SLC6A6: variants seen among roughly 807,000 people sequenced by gnomAD.
SLC6A6 encodes the protein solute carrier family 6 member 6, also known as sodium- and chloride-dependent taurine transporter.
Under a neutral mutation model 68.8 loss-of-function variants are expected in SLC6A6, and 16 were observed. The observed-to-expected ratio is 0.23, with a 90% CI of 0.16 to 0.35. The LOEUF (loss-of-function observed/expected upper bound fraction) is 0.35, where lower values mean the gene tolerates loss of function less well. SLC6A6 is among the 10% of genes least tolerant of loss of function. The pLI is 1.00. For missense variants in SLC6A6, 474 were observed against 802.8 expected (o/e 0.59, Z 4.95); for synonymous variants, 312 against 315.4 (o/e 0.99, Z 0.12).
At chr3:14,439,492 C>T (rs1411308236) in intron 2 of SLC6A6, among the ~76,000 whole-genome samples, 1 of 152,226 alleles carries the variant, frequency 6.6e-6, no homozygotes, top group African/African-American at 2.4e-5. Flanking sequence ...TGGCTGTCAC[C>T]TCTGGAACAC....
intron 2 of SLC6A6, among the ~76,000 whole-genome samples, chr3:14,429,002 G>A (rs13081322): frequency 0.33 from 49,795 of 152,020 alleles, 8,225 homozygotes; most frequent in African/African-American, 0.39. Flanking sequence ...CTCGCCTGCT[G>A]CAGAGACAAG....
At chr3:14,456,017 G>A (rs1025984906) in intron 5 of SLC6A6, among the ~76,000 whole-genome samples, 8 of 152,244 alleles carry the variant, frequency 5.3e-5, no homozygotes, top group African/African-American at 1.4e-4. Context: ...AGTAGAGAGA[G>A]CACTGGTTTT....
In SLC6A6 at chr3:14,402,804, C is replaced by T; in HGVS notation, c.-97C>T. ...CAGGCAGCCCCCGGCCGGCGGAACC[C>T]GGCACAGCCGAGCAGAGCGCGGGCG... On this transcript the variant is annotated 5_prime_UTR_variant, in exon 1 of 15. Transcript: ENST00000622186. The surrounding 1 kb of genome is among the most constrained non-coding windows in gnomAD (Gnocchi z 4.8). 1 of 397,892 alleles carries T rather than the reference C, an allele frequency of 2.5e-6. No individual in the cohort carries two copies. The highest frequency in any genetic ancestry group is 4.4e-6 in the Non-Finnish European group (1 of 225,562). 24.6% of individuals were successfully genotyped at this position (397,892 alleles called of 1,614,324 possible).
intron 1 of SLC6A6, chr3:14,410,943 G>A (rs571204635): frequency 6.6e-6 from 1 of 152,376 alleles, no homozygotes; most frequent in South Asian, 2.1e-4. Context: ...CTTGCCCCAA[G>A]GCTAGTCAGC....
At chr3:14,452,677 C>T (rs960459540) in intron 5 of SLC6A6, among the ~76,000 whole-genome samples, 7 of 152,334 alleles carry the variant, frequency 4.6e-5, no homozygotes, top group African/African-American at 1.4e-4. Flanking sequence ...AGTCACCATT[C>T]TCAGCAGAAG....
At position 14,485,989 on chromosome 3, in the gene SLC6A6, G is replaced by C. The variant is rs2125004040; in HGVS notation, c.*982G>C. 1 of 152,690 alleles carries C rather than the reference G, an allele frequency of 6.5e-6. No homozygotes were observed. The highest frequency in any genetic ancestry group is 1.9e-4 in the East Asian group (1 of 5,196). 9.5% of individuals were successfully genotyped at this position (152,690 alleles called of 1,614,324 possible). The stretch of plus-strand genomic sequence containing the variant: ...GGGGTCTCAGGGCTCAGATGAGTCT[G>C]TTGCATTTGAATGGGGTCATAGCAG... On this transcript the variant is annotated 3_prime_UTR_variant, in exon 15 of 15. Coordinates refer to ENST00000622186, the MANE Select transcript of SLC6A6 (RefSeq NM_003043.6).
At chr3:14,442,069 G>A (rs1473215293) in intron 2 of SLC6A6, among the ~76,000 whole-genome samples, 24 of 152,260 alleles carry the variant, frequency 1.6e-4, no homozygotes, top group Admixed American at 1.6e-3. Context: ...CCAAGCGAGT[G>A]TGTCCTGAGC....
intron 9 of SLC6A6, among the ~76,000 whole-genome samples, chr3:14,469,643 A>C (rs1700706649): frequency 6.6e-6 from 1 of 152,138 alleles, no homozygotes; most frequent in Non-Finnish European, 1.5e-5. Flanking sequence ...TTCTGACACA[A>C]GGGTGTCCCC....
chr3:14,403,077 A>AGTGTGTGTGT (rs34547966), intron 1 of SLC6A6, among the ~76,000 whole-genome samples: 20 of 143,428 alleles, frequency 1.4e-4, no homozygotes, highest in East Asian at 2.2e-4. Context: ...GCGGCAGGAG[A>AGTGTGTGTGT]GTGTGTGTGT....
At position 14,468,342 on chromosome 3, in the gene SLC6A6, C is replaced by CT. The variant is rs1553578743; in HGVS notation, c.1096+130_1096+131insT. On this transcript the variant is annotated intron_variant, in intron 9 of 14. Transcript: ENST00000622186. The surrounding 1 kb of genome is among the most constrained non-coding windows in gnomAD (Gnocchi z 4.5). ...GCCTGGTTTCTAAAATGGACCCCCC[C>CT]CCCGCCACCAAGATATCCCCCAAAT... 5.4e-6 allele frequency: 4 copies of CT among 735,424 alleles called. No homozygotes were observed. Among genetic ancestry groups the CT allele is most frequent in the Non-Finnish European group, 8.4e-6 (4 of 477,830 alleles). The allele number at this position is 735,424 out of a possible 1,614,324, so 45.6% of individuals were successfully genotyped here. A position where few individuals can be genotyped will look rare whatever the true frequency, so the allele number is the denominator to read the frequency against.
intron 4 of SLC6A6, among the ~76,000 whole-genome samples, chr3:14,447,322 A>G (rs1297994842): frequency 6.6e-6 from 1 of 151,972 alleles, no homozygotes; most frequent in Admixed American, 6.6e-5. Context: ...CTATCTTTTC[A>G]TCCATCCATC....
intron 1 of SLC6A6, among the ~76,000 whole-genome samples, chr3:14,410,474 A>C (rs1324077479): frequency 6.6e-6 from 1 of 152,204 alleles, no homozygotes; most frequent in Non-Finnish European, 1.5e-5. Context: ...GGGTTCCTGG[A>C]AAGCTCAAGA....
intron 2 of SLC6A6, among the ~76,000 whole-genome samples, chr3:14,421,681 G>C (rs1699489042): frequency 1.3e-5 from 2 of 152,198 alleles, no homozygotes; most frequent in Admixed American, 1.3e-4. Flanking sequence ...GGTTTTTCCA[G>C]CTTTGATACC....
chr3:14,478,648 A>ACTAACAGAAAT (rs1245620097), intron 12 of SLC6A6, 80 bp downstream of exon 12: 2 of 888,316 alleles, frequency 2.3e-6, no homozygotes, highest in African/African-American at 3.3e-5. Flanking sequence ...AGCAGAGAAT[A>ACTAACAGAAAT]CTAACAGAAA....
intron 2 of SLC6A6, among the ~76,000 whole-genome samples, chr3:14,440,878 A>G (rs1375789235): frequency 6.6e-6 from 1 of 151,960 alleles, no homozygotes; most frequent in Non-Finnish European, 1.5e-5. Context: ...AGGAGTTGGG[A>G]GACCCCCACC....
chr3:14,463,300 TC>T (rs1426939706), intron 6 of SLC6A6, among the ~76,000 whole-genome samples: 1 of 152,246 alleles, frequency 6.6e-6, no homozygotes, highest in African/African-American at 2.4e-5. Flanking sequence ...CTGGCTCTTC[TC>T]AGTTGTCTGA....
intron 2 of SLC6A6, among the ~76,000 whole-genome samples, chr3:14,438,510 C>G (rs1173086587): frequency 6.6e-6 from 1 of 152,170 alleles, no homozygotes; most frequent in East Asian, 1.9e-4. Context: ...GATTCCACAG[C>G]AAGCCTAGTG....
chr3:14,414,187 C>A (rs1459548409), intron 1 of SLC6A6, among the ~76,000 whole-genome samples: 1 of 152,186 alleles, frequency 6.6e-6, no homozygotes. Context: ...GATGCCCTAG[C>A]TGCTCACCAG....
intron 2 of SLC6A6, among the ~76,000 whole-genome samples, chr3:14,424,902 T>G (rs890660278): frequency 6.6e-6 from 1 of 152,128 alleles, no homozygotes; most frequent in Non-Finnish European, 1.5e-5. Context: ...GGAAGCTCGG[T>G]CGAAGCCGCC....
Sources: gnomAD v4.1 joint callset for allele counts (sites outside exome capture counted in the v4.1 genomes callset) on GRCh38, gnomAD v4.1.1 for gene constraint, Gnocchi (gnomAD v3.1) non-coding constraint, MANE v1.5 for transcripts, NCBI Gene and HGNC (gene_info 2026-07-23, HGNC 2026-07-21) for gene names.